PTPDC1: variants seen among roughly 807,000 people sequenced by gnomAD.
PTPDC1 encodes protein tyrosine phosphatase domain containing 1.
In PTPDC1, 53 loss-of-function variants were observed where a neutral mutation model predicts 75.3. That is an observed-to-expected ratio of 0.70 (90% CI 0.56 to 0.88). The LOEUF (loss-of-function observed/expected upper bound fraction) is 0.88. Ranked by LOEUF, PTPDC1 falls within the 40% of genes least tolerant of loss-of-function variation. PTPDC1 has a pLI of 0.00. For synonymous variants in PTPDC1, 349 were observed against 366.2 expected (o/e 0.95, Z 0.54); for missense variants, 925 against 998.6 (o/e 0.93, Z 0.99).
chr9:94,056,649 G>A (rs1825947743), intron 1 of PTPDC1, among the ~76,000 whole-genome samples: 1 of 152,118 alleles, frequency 6.6e-6, no homozygotes, highest in Non-Finnish European at 1.5e-5. Flanking sequence ...GATTTTGGCA[G>A]AACACCATGT....
In PTPDC1 at chr9:94,077,246, C is replaced by T. The variant is rs114122953; in HGVS notation, c.83-8005C>T. On this transcript the variant is annotated intron_variant, in intron 2 of 9. Transcript: ENST00000375360. Reference sequence around the variant, plus strand: ...TAACATGTTTCTGACACCAGATGTGCGGGGTTTTTTCCACACACCAAACAA... The same window carrying T: ...TAACATGTTTCTGACACCAGATGTGTGGGGTTTTTTCCACACACCAAACAA... Among the ~76,000 whole-genome samples, 853 of 152,232 alleles carry T rather than the reference C, an allele frequency of 5.6e-3. 13 individuals are homozygous for T. Among genetic ancestry groups the T allele is most frequent in the African/African-American group, 0.02 (819 of 41,518 alleles).
rs548255403 is a variant in PTPDC1, at chr9:94,063,772, G to T, written c.-6-962G>T. On this transcript the variant is annotated intron_variant, in intron 1 of 9. Coordinates refer to the PTPDC1 transcript ENST00000375360. ...CAAAGAAAAATATTAATTAGGGCTG[G>T]ATTTAATTACCATTGTAGATTTATT... Among the ~76,000 whole-genome samples the T allele has an allele frequency of 2.6e-5, 4 of 152,188 alleles. No individual in the cohort carries two copies. In the South Asian group the frequency reaches 8.3e-4, roughly 32 times the overall value.
chr9:94,066,330 A>G (rs894484904), intron 2 of PTPDC1, among the ~76,000 whole-genome samples: 1 of 152,206 alleles, frequency 6.6e-6, no homozygotes, highest in African/African-American at 2.4e-5. Context: ...TCTGCTTTAT[A>G]GCTAATTTTA....
At chr9:94,033,031 T>C (rs1293103088) in intron 1 of PTPDC1, among the ~76,000 whole-genome samples, 1 of 151,990 alleles carries the variant, frequency 6.6e-6, no homozygotes, top group Admixed American at 6.5e-5. Context: ...CCAGCTACTT[T>C]TTGTATTTTT....
At chr9:94,062,003 C>G (rs1826157658) in intron 1 of PTPDC1, among the ~76,000 whole-genome samples, 1 of 152,242 alleles carries the variant, frequency 6.6e-6, no homozygotes, top group African/African-American at 2.4e-5. Context: ...ATTTTCCAAA[C>G]TTCTATGCTC....
At chr9:94,102,186 GTTGT>G (rs1176706391) in intron 7 of PTPDC1, among the ~76,000 whole-genome samples, 2 of 152,036 alleles carry the variant, frequency 1.3e-5, no homozygotes, top group Non-Finnish European at 2.9e-5. Flanking sequence ...TTCACTGTTG[GTTGT>G]TTGTTTCTAC....
chr9:94,085,595 C>CA (rs1301864244), intron 2 of PTPDC1, among the ~76,000 whole-genome samples, 173 bp downstream of exon 2: 1 of 152,188 alleles, frequency 6.6e-6, no homozygotes, highest in African/African-American at 2.4e-5. Context: ...TATTGACCCT[C>CA]AGTTTCTTTA....
chr9:94,040,890 T>C (rs1002730516), intron 1 of PTPDC1, among the ~76,000 whole-genome samples: 42 of 152,210 alleles, frequency 2.8e-4, no homozygotes, highest in Non-Finnish European at 8.8e-5. Context: ...TTCACTGTCA[T>C]CATTGCTATT....
At chr9:94,071,891 T>C (rs1222226413) in intron 2 of PTPDC1, among the ~76,000 whole-genome samples, 1 of 152,258 alleles carries the variant, frequency 6.6e-6, no homozygotes, top group Non-Finnish European at 1.5e-5. Context: ...TTTTTTTATA[T>C]CTTTGATTTA....
intron 6 of PTPDC1, among the ~76,000 whole-genome samples, chr9:94,099,894 C>A (rs1003623844): frequency 2.0e-5 from 3 of 152,206 alleles, no homozygotes. Context: ...GAGGTGAACA[C>A]AGACCTTTAA....
At chr9:94,056,120 TA>T (rs1315967673) in intron 1 of PTPDC1, among the ~76,000 whole-genome samples, 3 of 152,154 alleles carry the variant, frequency 2.0e-5, no homozygotes, top group African/African-American at 7.2e-5. Flanking sequence ...AAGTCTATTT[TA>T]AAAACAAATG....
intron 2 of PTPDC1, among the ~76,000 whole-genome samples, chr9:94,070,215 C>T (rs905164004): frequency 6.6e-6 from 1 of 152,142 alleles, no homozygotes; most frequent in Non-Finnish European, 1.5e-5. Flanking sequence ...CTTATTATCC[C>T]CAGTATGTTT....
chr9:94,099,757 A>G (rs1303876361), intron 6 of PTPDC1, among the ~76,000 whole-genome samples: 1 of 152,244 alleles, frequency 6.6e-6, no homozygotes, highest in Non-Finnish European at 1.5e-5. Flanking sequence ...CTTCTATTTT[A>G]GATGAAAATC....
At chr9:94,088,465 G>A (rs1433840449) in intron 4 of PTPDC1, among the ~76,000 whole-genome samples, 1 of 152,196 alleles carries the variant, frequency 6.6e-6, no homozygotes, top group Non-Finnish European at 1.5e-5. Flanking sequence ...GGGATGTTGG[G>A]AGGAGACCCT....
intron 1 of PTPDC1, among the ~76,000 whole-genome samples, chr9:94,048,332 G>A (rs1231419395): frequency 6.6e-6 from 1 of 152,034 alleles, no homozygotes; most frequent in Non-Finnish European, 1.5e-5. Flanking sequence ...GCTTTCTCTT[G>A]TGAGCATTTA....
intron 2 of PTPDC1, among the ~76,000 whole-genome samples, chr9:94,077,299 T>C (rs988182971): frequency 2.0e-5 from 3 of 152,194 alleles, no homozygotes; most frequent in Non-Finnish European, 2.9e-5. Context: ...GGACTCCAGA[T>C]GGGTGTCCTC....
At chr9:94,054,539 G>A (rs1313326626) in intron 1 of PTPDC1, among the ~76,000 whole-genome samples, 1 of 152,138 alleles carries the variant, frequency 6.6e-6, no homozygotes, top group Non-Finnish European at 1.5e-5. Context: ...GAGATAGAAG[G>A]CTAAAATGTG....
intron 1 of PTPDC1, among the ~76,000 whole-genome samples, chr9:94,046,898 G>A (rs1212374089): frequency 6.6e-6 from 1 of 152,200 alleles, no homozygotes; most frequent in Non-Finnish European, 1.5e-5. Flanking sequence ...TAGGAGTGGT[G>A]AGAGACAGCA....
At chr9:94,055,087 T>G (rs11789837) in intron 1 of PTPDC1, among the ~76,000 whole-genome samples, 46,671 of 152,110 alleles carry the variant, frequency 0.31, 7,401 homozygotes, top group Admixed American at 0.39. Context: ...AAAAGCCAAT[T>G]AAATATTTAA....
Sources: allele counts gnomAD v4.1 joint callset (sites outside exome capture counted in the v4.1 genomes callset), GRCh38; gene constraint gnomAD v4.1.1; transcripts MANE v1.5; gene names NCBI Gene and HGNC (gene_info 2026-07-23, HGNC 2026-07-21).